KSR2: variants seen among roughly 807,000 people sequenced by gnomAD.
The protein encoded by KSR2 is kinase suppressor of ras 2.
KSR2 carries 25 observed loss-of-function variants against 107.8 expected under a neutral mutation model. The observed-to-expected ratio is 0.23, with a 90% CI of 0.17 to 0.32. The LOEUF (loss-of-function observed/expected upper bound fraction) is 0.32. Among genes scored for constraint, KSR2 ranks in the 10% least tolerant of loss-of-function variants. KSR2 has a pLI of 1.00. For missense variants in KSR2, 887 were observed against 1,268.9 expected, an observed-to-expected ratio of 0.70 and a Z score of 4.57; for synonymous variants, 480 against 507.0, an observed-to-expected ratio of 0.95 and a Z score of 0.71.
chr12:117,746,560 A>G (rs1379794438), intron 4 of KSR2, among the ~76,000 whole-genome samples: 4 of 152,226 alleles, frequency 2.6e-5, no homozygotes, highest in Non-Finnish European at 5.9e-5. Context: ...TGCAATTGCA[A>G]TAAAAGTCAA....
At chr12:117,647,955 T>C (rs1271074748) in intron 5 of KSR2, among the ~76,000 whole-genome samples, 2 of 152,128 alleles carry the variant, frequency 1.3e-5, no homozygotes, top group East Asian at 1.9e-4. Flanking sequence ...GCAATCCTCC[T>C]GCTTTGGCCT....
chr12:117,718,749 G>T (rs1055823437), intron 4 of KSR2, among the ~76,000 whole-genome samples: 6 of 152,138 alleles, frequency 3.9e-5, no homozygotes, highest in African/African-American at 1.4e-4. Flanking sequence ...AAACACTTGG[G>T]ACTATTTTTA....
chr12:117,968,269 A>T lies in KSR2; in HGVS notation c.-14T>A. The T allele has an allele frequency of 1.2e-6, 1 of 863,558 alleles. No homozygotes were observed. Among genetic ancestry groups the T allele is most frequent in the Non-Finnish European group, 1.6e-6 (1 of 625,042 alleles). The allele number at this position is 863,558 out of a possible 1,614,324, so 53.5% of individuals were successfully genotyped here. A position where few individuals can be genotyped will look rare whatever the true frequency, so the allele number is the denominator to read the frequency against. ...TTCCTCATCCATCGCTTGCTCTGCA[A>T]CCCCCTTCCCCTCCTCCTCCTCCCA... On this transcript the variant is annotated 5_prime_UTR_variant, in exon 1 of 20. The change creates a new upstream start codon in the 5' untranslated region. Transcript: ENST00000339824.
intron 6 of KSR2, among the ~76,000 whole-genome samples, chr12:117,581,635 G>A (rs1040664577): frequency 6.6e-6 from 1 of 152,136 alleles, no homozygotes; most frequent in Non-Finnish European, 1.5e-5. Flanking sequence ...AAGACAAAAT[G>A]GGGAAAGCTA....
intron 1 of KSR2, among the ~76,000 whole-genome samples, chr12:117,920,514 G>A (rs1443263025): frequency 6.6e-6 from 1 of 151,836 alleles, no homozygotes; most frequent in Non-Finnish European, 1.5e-5. Flanking sequence ...GATAAATAAT[G>A]CTAATACATT....
intron 5 of KSR2, 79 bp from the exon 6 acceptor site, chr12:117,582,438 G>T: frequency 1.9e-6 from 2 of 1,072,620 alleles, no homozygotes; most frequent in Admixed American, 1.7e-5. Flanking sequence ...GAAGGAAAAG[G>T]GGGGCTCGTC....
At chr12:117,640,623 C>G (rs1568155) in intron 5 of KSR2, among the ~76,000 whole-genome samples, 67 of 151,972 alleles carry the variant, frequency 4.4e-4, no homozygotes, top group Middle Eastern at 3.2e-3. Context: ...GCAGGCAGTA[C>G]AGACTCATGC....
At chr12:117,506,533 G>A (rs1410191171) in intron 14 of KSR2, among the ~76,000 whole-genome samples, 2 of 152,162 alleles carry the variant, frequency 1.3e-5, no homozygotes, top group African/African-American at 4.8e-5. Flanking sequence ...AATCCCCTGG[G>A]TGTCAGAAGA....
intron 1 of KSR2, among the ~76,000 whole-genome samples, chr12:117,887,937 G>A (rs1894225815): frequency 6.6e-6 from 1 of 152,228 alleles, no homozygotes; most frequent in African/African-American, 2.4e-5. Flanking sequence ...GACCAGTCAT[G>A]AGCGACATTG....
intron 1 of KSR2, among the ~76,000 whole-genome samples, chr12:117,944,653 C>A (rs866099782): frequency 6.6e-6 from 1 of 151,434 alleles, no homozygotes; most frequent in Non-Finnish European, 1.5e-5. Flanking sequence ...CCTAGGAGAT[C>A]GAGACCAGCC....
intron 1 of KSR2, among the ~76,000 whole-genome samples, chr12:117,936,767 C>T (rs1162134838): frequency 6.6e-6 from 1 of 152,136 alleles, no homozygotes; most frequent in Non-Finnish European, 1.5e-5. Flanking sequence ...GCTACAAGAG[C>T]ACAGGGCTCT....
At position 117,761,225 on chromosome 12, in the gene KSR2, C is replaced by G; in HGVS notation, c.772G>C (p.Val258Leu). The G allele has an allele frequency of 6.5e-7, 1 of 1,548,510 alleles. No individual in the cohort carries two copies. Among genetic ancestry groups the G allele is most frequent in the Non-Finnish European group, 8.7e-7 (1 of 1,148,434 alleles). The change falls in exon 4 of 20, where the codon GTC (valine) becomes CTC (leucine). Residue 258 changes from valine (V) to leucine (L), a missense_variant. Physicochemically the swap from Val to Leu is conservative, Grantham distance 32. Around this residue, in one of 8 missense-constraint regions of KSR2, gnomAD observed 399 missense variants for 479.5 expected, o/e 0.83. Transcript: ENST00000339824. ...TTGGGGGTGCGCGGCGGGGTGCGGA[C>G]CGCGTGCCGCTGCCGGGGCGATGGG... ...LPPSPRQRHA[V>L]RTPPRTPNIV...
chr12:117,488,700 CTTT>C (rs71099056), intron 14 of KSR2, among the ~76,000 whole-genome samples: 5 of 144,584 alleles, frequency 3.5e-5, no homozygotes, highest in Non-Finnish European at 4.5e-5. Flanking sequence ...TTTCTTTTTT[CTTT>C]TTTTTTTTTT....
intron 3 of KSR2, among the ~76,000 whole-genome samples, chr12:117,834,735 A>C (rs548903166): frequency 6.6e-6 from 1 of 152,316 alleles, no homozygotes; most frequent in South Asian, 2.1e-4. Flanking sequence ...ATATATGATA[A>C]TCACACTAAT....
chr12:117,871,701 T>C (rs977646239), intron 1 of KSR2, among the ~76,000 whole-genome samples: 2 of 95,088 alleles, frequency 2.1e-5, no homozygotes, highest in Admixed American at 1.2e-4. Flanking sequence ...TAGATAGATA[T>C]ATATATTTGC....
chr12:117,596,225 G>C (rs1432882336), intron 5 of KSR2, among the ~76,000 whole-genome samples: 1 of 152,180 alleles, frequency 6.6e-6, no homozygotes, highest in Admixed American at 6.5e-5. Flanking sequence ...CAGCAGGCAA[G>C]ACAGAATGTG....
intron 14 of KSR2, among the ~76,000 whole-genome samples, chr12:117,489,612 G>T (rs185052301): frequency 1.3e-4 from 19 of 151,884 alleles, no homozygotes; most frequent in Admixed American, 1.2e-3. Flanking sequence ...AATGTATGGC[G>T]TTGAAATCTG....
intron 14 of KSR2, among the ~76,000 whole-genome samples, chr12:117,517,243 G>T (rs1874434365): frequency 6.6e-6 from 1 of 152,162 alleles, no homozygotes. Context: ...AGACTTATTT[G>T]TTACAGCAGC....
rs1008768867 is a variant in KSR2, at chr12:117,842,465, C to T, written c.472+12963G>A. 2.0e-5 allele frequency among the ~76,000 whole-genome samples: 3 copies of T among 152,076 alleles called. No homozygotes were observed. Among genetic ancestry groups the T allele is most frequent in the African/African-American group, 4.8e-5 (2 of 41,408 alleles). Reference sequence around the variant, plus strand: ...AAACATCAGCAGATAGGGACCAGATCGGGAGCCCAGGGACAGGACTGGGGG... The same window carrying T: ...AAACATCAGCAGATAGGGACCAGATTGGGAGCCCAGGGACAGGACTGGGGG... On this transcript the variant is annotated intron_variant, in intron 3 of 19. Transcript: ENST00000339824. This position sits in a 1 kb window ranked among gnomAD's most constrained non-coding sequence, Gnocchi z 4.2.
Sources: allele counts gnomAD v4.1 joint callset (sites outside exome capture counted in the v4.1 genomes callset), GRCh38; gene constraint gnomAD v4.1.1; regional missense constraint gnomAD v4.1.1; non-coding constraint Gnocchi (gnomAD v3.1); transcripts MANE v1.5; gene names NCBI Gene and HGNC (gene_info 2026-07-23, HGNC 2026-07-21).